Variants in GCNT2 observed in about 807,000 individuals in gnomAD.
GCNT2 encodes the protein glucosaminyl (N-acetyl) transferase 2 (I blood group), also known as N-acetyllactosaminide beta-1,6-N-acetylglucosaminyl-transferase.
In GCNT2, 34 loss-of-function variants were observed where a neutral mutation model predicts 34.2. The ratio of observed to expected loss-of-function variants is 1.00; its 90% CI spans 0.76 to 1.32. The LOEUF is 1.32. Ranked by LOEUF, GCNT2 falls within the 40% of genes most tolerant of loss-of-function variation. GCNT2 has a pLI of 0.00. For synonymous variants in GCNT2, 212 were observed against 188.0 expected (o/e 1.13, Z -1.04); for missense variants, 584 against 489.4 (o/e 1.19, Z -1.82).
intron 3 of GCNT2, among the ~76,000 whole-genome samples, chr6:10,564,877 A>G (rs759518150): frequency 8.5e-5 from 13 of 152,186 alleles, no homozygotes; most frequent in Non-Finnish European, 1.8e-4. Context: ...TACCTCATGG[A>G]GGATACATTT....
intron 3 of GCNT2, among the ~76,000 whole-genome samples, chr6:10,599,804 T>G (rs1218333458): frequency 6.6e-6 from 1 of 152,222 alleles, no homozygotes; most frequent in Non-Finnish European, 1.5e-5. Flanking sequence ...ATGAACTCTT[T>G]AATAACTTAT....
intron 4 of GCNT2, among the ~76,000 whole-genome samples, chr6:10,622,742 C>CTTTTTTT (rs36097125): frequency 1.1e-4 from 8 of 74,534 alleles, no homozygotes; most frequent in Admixed American, 1.9e-4. Context: ...CTCAGTCCAT[C>CTTTTTTT]TTTTTTTTTT....
At chr6:10,521,902 T>A (rs959797115) in intron 1 of GCNT2, among the ~76,000 whole-genome samples, 5 of 115,324 alleles carry the variant, frequency 4.3e-5, no homozygotes, top group South Asian at 2.6e-4. Context: ...GGCATTTAAA[T>A]TTTTTTTTTT....
At chr6:10,581,606 A>G (rs960980282) in intron 3 of GCNT2, 7 of 226,160 alleles carry the variant, frequency 3.1e-5, no homozygotes, top group Non-Finnish European at 5.2e-5. Flanking sequence ...GTTTTGAACT[A>G]TAAATCATGC....
chr6:10,529,260 A>G lies in GCNT2; in HGVS notation c.349A>G (p.Ile117Val). Residue 117 changes from isoleucine to valine, a missense_variant, in exon 3 of 5, where the codon ATT becomes GTT. Ile to Val is a conservative substitution (Grantham distance 29). Coordinates refer to ENST00000495262, the MANE Select transcript of GCNT2 (RefSeq NM_145649.5). ...FGTFERLFRAIYMPQNVYCVH... is the reference protein window; with the variant it reads ...FGTFERLFRAVYMPQNVYCVH... ...CACTTTTGAGAGGCTCTTCAGGGCG[A>G]TTTATATGCCCCAAAATGTCTACTG... The G allele has an allele frequency of 6.2e-7, 1 of 1,614,104 alleles. No homozygotes were observed. Among genetic ancestry groups the G allele is most frequent in the Admixed American group, 1.7e-5 (1 of 60,008 alleles).
chr6:10,582,897 A>G (rs13196213), intron 3 of GCNT2, among the ~76,000 whole-genome samples: 16,767 of 152,060 alleles, frequency 0.11, 1,161 homozygotes, highest in Middle Eastern at 0.16. Context: ...TATCTCATTT[A>G]GTCTTGACAA....
intron 3 of GCNT2, among the ~76,000 whole-genome samples, chr6:10,594,941 G>C (rs1033270784): frequency 6.8e-6 from 1 of 147,568 alleles, no homozygotes; most frequent in Non-Finnish European, 1.5e-5. Flanking sequence ...GACTTCCCAG[G>C]CTCAAGCAAT....
chr6:10,600,886 G>A (rs1426193607), intron 3 of GCNT2, among the ~76,000 whole-genome samples: 1 of 152,028 alleles, frequency 6.6e-6, no homozygotes, highest in Non-Finnish European at 1.5e-5. Flanking sequence ...CACCTCCCAG[G>A]CTTAAGCAAT....
intron 3 of GCNT2, among the ~76,000 whole-genome samples, chr6:10,596,777 GA>G (rs1449707026): frequency 6.6e-6 from 1 of 151,012 alleles, no homozygotes; most frequent in Non-Finnish European, 1.5e-5. Flanking sequence ...TTTGAATATA[GA>G]ATTGACACGA....
chr6:10,560,514 G>C (rs902910907), intron 3 of GCNT2, among the ~76,000 whole-genome samples: 1 of 152,082 alleles, frequency 6.6e-6, no homozygotes, highest in African/African-American at 2.4e-5. Context: ...CAAAGCGACC[G>C]CCTCCCTTTC....
At chr6:10,610,652 AAAAC>A (rs1765509779) in intron 3 of GCNT2, among the ~76,000 whole-genome samples, 1 of 152,182 alleles carries the variant, frequency 6.6e-6, no homozygotes, top group Non-Finnish European at 1.5e-5. Context: ...CATTAAGCTG[AAAAC>A]CCCAAGAATA....
At chr6:10,602,955 T>C (rs1222725194) in intron 3 of GCNT2, among the ~76,000 whole-genome samples, 1 of 152,164 alleles carries the variant, frequency 6.6e-6, no homozygotes, top group Admixed American at 6.5e-5. Flanking sequence ...GTACTTTTAT[T>C]TGAAAGAGTC....
intron 3 of GCNT2, among the ~76,000 whole-genome samples, chr6:10,537,426 T>TG (rs55700982): frequency 6.6e-6 from 1 of 151,818 alleles, no homozygotes; most frequent in Non-Finnish European, 1.5e-5. Flanking sequence ...AATGGCCACG[T>TG]GGGGTGGCTA....
At chr6:10,612,305 T>G (rs1765593345) in intron 3 of GCNT2, among the ~76,000 whole-genome samples, 1 of 152,144 alleles carries the variant, frequency 6.6e-6, no homozygotes, top group South Asian at 2.1e-4. Context: ...TGTTTTAACT[T>G]TAGATCAATC....
chr6:10,582,423 A>G (rs868084759), intron 3 of GCNT2, among the ~76,000 whole-genome samples: 2 of 125,412 alleles, frequency 1.6e-5, no homozygotes, highest in South Asian at 4.5e-4. Flanking sequence ...TATTTATTAT[A>G]TACTATAATT....
intron 3 of GCNT2, among the ~76,000 whole-genome samples, chr6:10,576,115 C>T (rs973482180): frequency 6.6e-6 from 1 of 152,208 alleles, no homozygotes; most frequent in Admixed American, 6.5e-5. Context: ...GGTGATCTGC[C>T]TGCCTTGGCC....
intron 3 of GCNT2, among the ~76,000 whole-genome samples, chr6:10,554,220 A>AT (rs1017459563): frequency 5.3e-5 from 8 of 152,080 alleles, no homozygotes; most frequent in South Asian, 2.1e-4. Flanking sequence ...GCAATAAGGG[A>AT]TTTTTTTTAA....
chr6:10,564,571 A>G (rs895418947), intron 3 of GCNT2, among the ~76,000 whole-genome samples: 4 of 152,210 alleles, frequency 2.6e-5, no homozygotes, highest in South Asian at 2.1e-4. Flanking sequence ...TAGCATTGCA[A>G]TATGGCACAG....
chr6:10,595,906 T>C (rs1016965590), intron 3 of GCNT2, among the ~76,000 whole-genome samples: 1 of 152,162 alleles, frequency 6.6e-6, no homozygotes, highest in Non-Finnish European at 1.5e-5. Flanking sequence ...GTTTCGACAA[T>C]CATCAACTTG....
Sources: gnomAD v4.1 joint callset for allele counts (sites outside exome capture counted in the v4.1 genomes callset) on GRCh38, gnomAD v4.1.1 for gene constraint, MANE v1.5 for transcripts, NCBI Gene and HGNC (gene_info 2026-07-23, HGNC 2026-07-21) for gene names.